Variants in ZNF831 observed in about 807,000 individuals in gnomAD.
The protein encoded by ZNF831 is chromosome 20 open reading frame 174.
A neutral mutation model predicts 95.8 loss-of-function variants in ZNF831; 59 were observed. The observed-to-expected ratio is 0.62, with a 90% CI of 0.50 to 0.77. ZNF831 has a LOEUF of 0.77. Among genes scored for constraint, ZNF831 ranks in the 30% least tolerant of loss-of-function variants. The pLI, the probability that ZNF831 is intolerant of heterozygous loss-of-function variation, is 0.00. For synonymous variants in ZNF831, 961 were observed against 925.5 expected, an observed-to-expected ratio of 1.04 and a Z score of -0.70; for missense variants, 2,205 against 2,164.0, an observed-to-expected ratio of 1.02 and a Z score of -0.38.
At chr20:59,206,685 G>C (rs1984915899) in intron 3 of ZNF831, among the ~76,000 whole-genome samples, 1 of 152,190 alleles carries the variant, frequency 6.6e-6, no homozygotes, top group African/African-American at 2.4e-5. Flanking sequence ...AGCATTTTGT[G>C]ACCACCTCAT....
intron 1 of ZNF831, among the ~76,000 whole-genome samples, chr20:59,135,325 G>T (rs1979467269): frequency 6.6e-6 from 1 of 152,156 alleles, no homozygotes; most frequent in Non-Finnish European, 1.5e-5. Context: ...GGCAACTCAT[G>T]CCTGGAATCC....
At chr20:59,210,534 A>G (rs2146646321) in intron 4 of ZNF831, among the ~76,000 whole-genome samples, 2 of 152,300 alleles carry the variant, frequency 1.3e-5, no homozygotes, top group Middle Eastern at 6.8e-3. Context: ...CACAGTTCCC[A>G]ACGTGTTCCA....
chr20:59,175,728 C>T (rs1401716053), intron 1 of ZNF831, among the ~76,000 whole-genome samples: 2 of 152,198 alleles, frequency 1.3e-5, no homozygotes, highest in Non-Finnish European at 2.9e-5. Context: ...ATCCCAGCAC[C>T]TCTTGCATAT....
In ZNF831 at chr20:59,195,995, A is replaced by G; in HGVS notation, c.3865A>G (p.Asn1289Asp). The G allele has an allele frequency of 6.2e-7, 1 of 1,613,972 alleles. No individual in the cohort carries two copies. The highest frequency in any genetic ancestry group is 8.5e-7 in the Non-Finnish European group (1 of 1,179,904). The change falls in exon 3 of 6, where the codon AAC becomes GAC. Residue 1289 changes from asparagine (N) to aspartate (D), a missense_variant. Transcript: ENST00000371030. ...CAGCAAGCAGAGAAAACTGAAGATC[A>G]ACCCTAAAAGGTAGGATGAGTGGCC... is the stretch of plus-strand genomic sequence containing the variant. ...GNSKQRKLKI[N>D]PKRYKGNFLQ...
chr20:59,230,736 T>C (rs942929475), intron 4 of ZNF831, among the ~76,000 whole-genome samples: 1 of 152,142 alleles, frequency 6.6e-6, no homozygotes, highest in African/African-American at 2.4e-5. Context: ...CAAGGAGATA[T>C]GGGGATAGCC....
At chr20:59,250,006 G>C (rs1475040540) in intron 4 of ZNF831, among the ~76,000 whole-genome samples, 1 of 152,180 alleles carries the variant, frequency 6.6e-6, no homozygotes, top group African/African-American at 2.4e-5. Flanking sequence ...TTAACAGTGA[G>C]AAGACTCCCC....
At chr20:59,155,864 C>T (rs778352643) in intron 2 of ZNF831, among the ~76,000 whole-genome samples, 47 of 152,148 alleles carry the variant, frequency 3.1e-4, no homozygotes, top group Non-Finnish European at 5.0e-4. Flanking sequence ...CCTTGAGACA[C>T]GTGCCAGAAA....
chr20:59,207,153 C>G (rs981529460), intron 4 of ZNF831, 97 bp downstream of exon 4: 8 of 1,463,720 alleles, frequency 5.5e-6, no homozygotes, highest in Non-Finnish European at 6.5e-6. Flanking sequence ...GAGTCAGCCC[C>G]AAGTGCCACA....
At chr20:59,248,759 C>T (rs913147746) in intron 4 of ZNF831, among the ~76,000 whole-genome samples, 3 of 152,204 alleles carry the variant, frequency 2.0e-5, no homozygotes, top group African/African-American at 7.2e-5. Context: ...TGCATATCAT[C>T]ACCATTAATT....
In ZNF831 at chr20:59,256,318, A is replaced by G. The variant is rs1198117575; in HGVS notation, c.*1575A>G. 6.6e-6 allele frequency: 1 copy of G among 152,236 alleles called. No homozygotes were observed. The highest frequency in any genetic ancestry group is 1.9e-4 in the East Asian group (1 of 5,200). 9.4% of individuals were successfully genotyped at this position (152,236 alleles called of 1,614,324 possible). On this transcript the variant is annotated 3_prime_UTR_variant, in exon 6 of 6. Transcript: ENST00000371030. ...ATTTGTGACCATTTCATATGCACTC[A>G]TAAATATCCAAGGATTTCAGGCCCA... is the stretch of plus-strand genomic sequence containing the variant.
intron 4 of ZNF831, among the ~76,000 whole-genome samples, chr20:59,221,328 G>T (rs549962956): frequency 1.3e-5 from 2 of 152,198 alleles, no homozygotes; most frequent in African/African-American, 4.8e-5. Flanking sequence ...CTGCCGGGGT[G>T]AGACTTGCCC....
intron 1 of ZNF831, among the ~76,000 whole-genome samples, chr20:59,174,585 C>T (rs966754208): frequency 6.6e-6 from 1 of 152,170 alleles, no homozygotes; most frequent in Non-Finnish European, 1.5e-5. Context: ...AGTGTTGGCT[C>T]ATGCCTGTAA....
At chr20:59,247,935 G>A (rs1987702764) in intron 4 of ZNF831, among the ~76,000 whole-genome samples, 1 of 152,228 alleles carries the variant, frequency 6.6e-6, no homozygotes, top group African/African-American at 2.4e-5. Context: ...CAGTTATGTT[G>A]TAAGTTTCAT....
At chr20:59,216,150 C>T (rs773953130) in intron 4 of ZNF831, among the ~76,000 whole-genome samples, 1 of 152,204 alleles carries the variant, frequency 6.6e-6, no homozygotes, top group Non-Finnish European at 1.5e-5. Context: ...TTCCCTGGGC[C>T]CCTCTCTTGG....
At chr20:59,133,720 C>T (rs1979416747) in intron 1 of ZNF831, among the ~76,000 whole-genome samples, 1 of 152,180 alleles carries the variant, frequency 6.6e-6, no homozygotes, top group Non-Finnish European at 1.5e-5. Flanking sequence ...GAGCTCATCT[C>T]CCTGCATTCT....
chr20:59,254,576 C>G lies in ZNF831; in HGVS notation c.4867C>G (p.Arg1623Gly), dbSNP rs1347697053. 6.2e-7 allele frequency: 1 copy of G among 1,614,028 alleles called. No homozygotes were observed. The highest frequency in any genetic ancestry group is 8.5e-7 in the Non-Finnish European group (1 of 1,180,030). ...RKRQVSGLITRKDSVVPSKPE... is the reference protein window; with the variant it reads ...RKRQVSGLITGKDSVVPSKPE... ...ACGTCAGGTATCTGGATTAATCACT[C>G]GGAAAGATTCTGTGGTTCCTTCTAA... Residue 1623 changes from arginine to glycine, a missense_variant, in exon 6 of 6, where the codon CGG (arginine) becomes GGG (glycine). Coordinates refer to ENST00000371030, the MANE Select transcript of ZNF831 (RefSeq NM_178457.3). The surrounding 1 kb of genome is among the most constrained non-coding windows in gnomAD (Gnocchi z 4.5).
upstream of ZNF831, among the ~76,000 whole-genome samples, chr20:59,161,527 C>T (rs1417426398): frequency 2.0e-5 from 3 of 152,326 alleles, no homozygotes; most frequent in East Asian, 1.9e-4. Flanking sequence ...GATCCGCCTG[C>T]CTTGGCCTCC....
intron 4 of ZNF831, among the ~76,000 whole-genome samples, chr20:59,251,269 G>A (rs141983554): frequency 3.9e-5 from 6 of 152,288 alleles, no homozygotes; most frequent in South Asian, 2.1e-4. Flanking sequence ...AATGAAGATC[G>A]ACCCAGGCTG....
At chr20:59,164,899 A>G (rs1338693542) in intron 1 of ZNF831, among the ~76,000 whole-genome samples, 1 of 152,220 alleles carries the variant, frequency 6.6e-6, no homozygotes, top group East Asian at 1.9e-4. Flanking sequence ...GATGTTATCT[A>G]CCAAAATGCA....
Sources: gnomAD v4.1 joint callset for allele counts (sites outside exome capture counted in the v4.1 genomes callset) on GRCh38, gnomAD v4.1.1 for gene constraint, Gnocchi (gnomAD v3.1) non-coding constraint, MANE v1.5 for transcripts, NCBI Gene and HGNC (gene_info 2026-07-23, HGNC 2026-07-21) for gene names.